MACROD2: variants seen among roughly 807,000 people sequenced by gnomAD.
MACROD2 encodes the protein ADP-ribose glycohydrolase MACROD2.
In MACROD2, 36 loss-of-function variants were observed where a neutral mutation model predicts 70.4. That is an observed-to-expected ratio of 0.51 (90% CI 0.39 to 0.68). The LOEUF is 0.68. Ranked by LOEUF, MACROD2 falls within the 30% of genes least tolerant of loss-of-function variation. MACROD2 has a pLI of 0.00. For missense variants in MACROD2, 496 were observed against 538.4 expected (o/e 0.92, Z 0.78); for synonymous variants, 172 against 178.8 (o/e 0.96, Z 0.30).
At position 14,640,073 on chromosome 20, in the gene MACROD2, A is replaced by G. The variant is rs901660192; in HGVS notation, c.302-44770A>G. 8.5e-5 allele frequency among the ~76,000 whole-genome samples: 13 copies of G among 152,110 alleles called. No homozygotes were observed. In the East Asian group the frequency reaches 2.5e-3, roughly 29 times the overall value. ...TGGACCCCTTTCCAGAATATTTTAC[A>G]GGCATACGATAAAGTGCAAAAACTT... On this transcript the variant is annotated intron_variant, in intron 4 of 17. Coordinates refer to ENST00000684519, the MANE Select transcript of MACROD2 (RefSeq NM_001351661.2).
chr20:14,157,209 C>T (rs552711261), intron 3 of MACROD2, among the ~76,000 whole-genome samples: 2 of 152,072 alleles, frequency 1.3e-5, no homozygotes, highest in African/African-American at 2.4e-5. Context: ...GGTATAGTAG[C>T]GCTGAATTCT....
At chr20:15,344,187 T>C (rs571114819) in intron 6 of MACROD2, among the ~76,000 whole-genome samples, 1 of 152,274 alleles carries the variant, frequency 6.6e-6, no homozygotes, top group African/African-American at 2.4e-5. Flanking sequence ...AGTCCTTTTA[T>C]TTCTTATCTT....
chr20:14,506,256 C>T (rs886153783), intron 4 of MACROD2, among the ~76,000 whole-genome samples: 1 of 152,130 alleles, frequency 6.6e-6, no homozygotes, highest in Admixed American at 6.5e-5. Flanking sequence ...AGACCCTAAG[C>T]TTTTTATGTA....
intron 6 of MACROD2, among the ~76,000 whole-genome samples, chr20:15,322,016 C>T (rs1405779603): frequency 7.0e-6 from 1 of 143,790 alleles, no homozygotes; most frequent in African/African-American, 2.5e-5. Context: ...TGGTCTCAAT[C>T]TCTTGACCTT....
chr20:15,795,653 A>AGATATGT (rs1568565493), intron 8 of MACROD2, among the ~76,000 whole-genome samples: 1 of 152,294 alleles, frequency 6.6e-6, no homozygotes, highest in East Asian at 1.9e-4. Flanking sequence ...CGATTTATTA[A>AGATATGT]GATATGTGTG....
At position 14,775,144 on chromosome 20, in the gene MACROD2, C is replaced by T. The variant is rs114913228; in HGVS notation, c.418+90185C>T. On this transcript the variant is annotated intron_variant, in intron 5 of 17. Transcript: ENST00000684519. ...GTTTACCACTTATGAAAAGAACATA[C>T]CCAATGGCAGAGATTGAATTAAGTG... Among the ~76,000 whole-genome samples the T allele has an allele frequency of 5.9e-3, 893 of 152,112 alleles. 19 individuals are homozygous for T. Among genetic ancestry groups the T allele is most frequent in the African/African-American group, 0.02 (823 of 41,470 alleles).
intron 5 of MACROD2, among the ~76,000 whole-genome samples, chr20:14,946,064 TG>T (rs1275970409): frequency 6.6e-6 from 1 of 152,126 alleles, no homozygotes; most frequent in Non-Finnish European, 1.5e-5. Flanking sequence ...CCGGGCATAT[TG>T]GCGAGTGCCT....
intron 15 of MACROD2, among the ~76,000 whole-genome samples, chr20:15,990,443 A>C (rs1436685051): frequency 6.6e-6 from 1 of 152,172 alleles, no homozygotes; most frequent in Non-Finnish European, 1.5e-5. Context: ...TATATGTTTT[A>C]TTATGATATA....
At chr20:14,378,767 T>C (rs1190266779) in intron 3 of MACROD2, among the ~76,000 whole-genome samples, 1 of 152,212 alleles carries the variant, frequency 6.6e-6, no homozygotes, top group Non-Finnish European at 1.5e-5. Flanking sequence ...TCTCCTATGC[T>C]TCAGCATGTC....
intron 9 of MACROD2, among the ~76,000 whole-genome samples, chr20:15,883,086 T>C (rs765372301): frequency 2.2e-4 from 34 of 151,946 alleles, no homozygotes; most frequent in Non-Finnish European, 4.0e-4. Context: ...CTATCCATCT[T>C]GGTGTTTTCT....
chr20:14,758,132 C>A (rs2123747793), intron 5 of MACROD2: 1 of 337,766 alleles, frequency 3.0e-6, no homozygotes, highest in Non-Finnish European at 5.5e-6. Flanking sequence ...AAAATCTAAA[C>A]CCTCACTGAT....
At chr20:15,054,069 G>C (rs2123060556) in intron 5 of MACROD2, among the ~76,000 whole-genome samples, 1 of 152,318 alleles carries the variant, frequency 6.6e-6, no homozygotes, top group South Asian at 2.1e-4. Flanking sequence ...AACTTGAATG[G>C]ATGAGGGAAT....
intron 5 of MACROD2, among the ~76,000 whole-genome samples, chr20:14,810,603 GA>G (rs535509086): frequency 1.3e-3 from 202 of 152,210 alleles, no homozygotes; most frequent in Non-Finnish European, 2.5e-3. Flanking sequence ...AGTGAGACAA[GA>G]GAAAGAAATG....
intron 3 of MACROD2, among the ~76,000 whole-genome samples, chr20:14,124,978 G>A (rs1353470805): frequency 6.6e-6 from 1 of 152,072 alleles, no homozygotes; most frequent in African/African-American, 2.4e-5. Context: ...CTATAGAAGG[G>A]AATGAAATAC....
chr20:16,048,966 T>C (rs1330897603), intron 17 of MACROD2, among the ~76,000 whole-genome samples: 1 of 152,208 alleles, frequency 6.6e-6, no homozygotes, highest in African/African-American at 2.4e-5. Flanking sequence ...GGAATTCTAG[T>C]TAGCAATGAA....
chr20:15,681,224 A>G (rs995825896), intron 8 of MACROD2, among the ~76,000 whole-genome samples: 9 of 152,232 alleles, frequency 5.9e-5, no homozygotes, highest in Non-Finnish European at 1.3e-4. Flanking sequence ...TGGCTCATGT[A>G]AACTCTTCTA....
intron 3 of MACROD2, among the ~76,000 whole-genome samples, chr20:14,213,513 G>T (rs2081588681): frequency 6.6e-6 from 1 of 151,392 alleles, no homozygotes; most frequent in Non-Finnish European, 1.5e-5. Flanking sequence ...AGAGACTTTA[G>T]TAACAAATTT....
At chr20:14,859,660 G>T (rs1013043114) in intron 5 of MACROD2, among the ~76,000 whole-genome samples, 1 of 152,026 alleles carries the variant, frequency 6.6e-6, no homozygotes, top group African/African-American at 2.4e-5. Flanking sequence ...CTGCTATTGA[G>T]ATTTTTTTTC....
At chr20:13,998,067 A>G (rs531001493) in intron 1 of MACROD2, among the ~76,000 whole-genome samples, 2 of 152,294 alleles carry the variant, frequency 1.3e-5, no homozygotes, top group South Asian at 4.1e-4. Context: ...TCAGTATACC[A>G]TTTAATAAAT....
Sources: allele counts gnomAD v4.1 joint callset (sites outside exome capture counted in the v4.1 genomes callset), GRCh38; gene constraint gnomAD v4.1.1; transcripts MANE v1.5; gene names NCBI Gene and HGNC (gene_info 2026-07-23, HGNC 2026-07-21).